Variants in MED27 observed in about 807,000 individuals in gnomAD.
MED27 encodes mediator of RNA polymerase II transcription subunit 27.
A neutral mutation model predicts 38.2 loss-of-function variants in MED27; 30 were observed. The observed-to-expected ratio is 0.79, with a 90% CI of 0.59 to 1.07. The LOEUF (loss-of-function observed/expected upper bound fraction) is 1.07. Among genes scored for constraint, MED27 ranks in the 50% least tolerant of loss-of-function variants. MED27 has a pLI of 0.00. For synonymous variants in MED27, 122 were observed against 153.5 expected, an observed-to-expected ratio of 0.79 and a Z score of 1.52; for missense variants, 289 against 397.5, an observed-to-expected ratio of 0.73 and a Z score of 2.32.
chr9:131,961,548 G>C (rs978350478), intron 3 of MED27, among the ~76,000 whole-genome samples: 2 of 152,174 alleles, frequency 1.3e-5, no homozygotes, highest in Admixed American at 6.5e-5. Context: ...AGGTTCTGAG[G>C]GTCCGCTGAC....
At chr9:131,933,926 G>C (rs913675484) in intron 4 of MED27, among the ~76,000 whole-genome samples, 8 of 152,146 alleles carry the variant, frequency 5.3e-5, no homozygotes, top group African/African-American at 1.7e-4. Context: ...GGCATAAAAA[G>C]ACACATAGAT....
intron 3 of MED27, among the ~76,000 whole-genome samples, chr9:131,998,326 C>G (rs1322164297): frequency 6.6e-6 from 1 of 150,794 alleles, no homozygotes; most frequent in African/African-American, 2.4e-5. Context: ...TCCTATCCTC[C>G]AAGAAGGGAA....
At chr9:131,979,120 C>T (rs1242834993) in intron 3 of MED27, among the ~76,000 whole-genome samples, 2 of 152,160 alleles carry the variant, frequency 1.3e-5, no homozygotes, top group Non-Finnish European at 2.9e-5. Context: ...TGTCACTTGG[C>T]ATCACTTGCC....
chr9:131,902,085 G>A (rs1301900905), intron 4 of MED27, among the ~76,000 whole-genome samples: 1 of 152,072 alleles, frequency 6.6e-6, no homozygotes, highest in African/African-American at 2.4e-5. Flanking sequence ...TCCTCCTCCA[G>A]GGCTCTGTTA....
intron 2 of MED27, among the ~76,000 whole-genome samples, chr9:132,034,979 C>A (rs1410935204): frequency 6.6e-6 from 1 of 152,088 alleles, no homozygotes; most frequent in Non-Finnish European, 1.5e-5. Context: ...AAACAGACAC[C>A]CCCCTCAAAT....
At chr9:131,967,066 G>T (rs1304949009) in intron 3 of MED27, among the ~76,000 whole-genome samples, 1 of 152,226 alleles carries the variant, frequency 6.6e-6, no homozygotes, top group African/African-American at 2.4e-5. Context: ...TTGGCACAGG[G>T]TCTAGCATAT....
chr9:131,921,465 C>T (rs1275187208), intron 4 of MED27, among the ~76,000 whole-genome samples: 1 of 149,414 alleles, frequency 6.7e-6, no homozygotes, highest in Non-Finnish European at 1.5e-5. Flanking sequence ...CAAATCAAAA[C>T]CACAATGAGA....
chr9:131,866,983 G>A (rs565319066), intron 6 of MED27, among the ~76,000 whole-genome samples: 2 of 152,230 alleles, frequency 1.3e-5, no homozygotes, highest in South Asian at 2.1e-4. Flanking sequence ...TCTCCTTCGC[G>A]TGTTGAGGGA....
At chr9:131,881,364 T>TG (rs1031526521) in intron 6 of MED27, among the ~76,000 whole-genome samples, 3 of 152,102 alleles carry the variant, frequency 2.0e-5, no homozygotes, top group African/African-American at 7.2e-5. Flanking sequence ...CTAAAGCCTG[T>TG]GCGTAACCAC....
At chr9:132,076,235 T>C (rs1834044284) in intron 2 of MED27, among the ~76,000 whole-genome samples, 1 of 152,008 alleles carries the variant, frequency 6.6e-6, no homozygotes, top group African/African-American at 2.4e-5. Context: ...CCTGAACATT[T>C]TAGTTCCTTG....
intron 3 of MED27, among the ~76,000 whole-genome samples, chr9:131,941,596 G>C (rs1830786714): frequency 6.6e-6 from 1 of 152,054 alleles, no homozygotes; most frequent in African/African-American, 2.4e-5. Flanking sequence ...AGATGAGTGA[G>C]AAGGCGTGGA....
chr9:131,877,196 C>G (rs548344009), intron 6 of MED27, among the ~76,000 whole-genome samples: 1 of 152,116 alleles, frequency 6.6e-6, no homozygotes, highest in Non-Finnish European at 1.5e-5. Flanking sequence ...CTCTTCCAGG[C>G]CTTCATCTGT....
rs540382406 is a variant in MED27 at position 131,868,813 on chromosome 9, G to T, written c.724-5673C>A. The T allele has an allele frequency of 3.3e-5, 33 of 985,472 alleles. 1 individual carries two copies. In the East Asian group the frequency reaches 1.8e-3, roughly 54 times the overall value. The allele number at this position is 985,472 out of a possible 1,614,324, so 61.0% of individuals were successfully genotyped here. Reference sequence around the variant, plus strand: ...CCCAGGGCAGGTAAGTCTTTGGGAAGCTACAGTTCCGACGCCAGGCACAGG... The same window carrying T: ...CCCAGGGCAGGTAAGTCTTTGGGAATCTACAGTTCCGACGCCAGGCACAGG... On this transcript the variant is annotated intron_variant, in intron 6 of 7. Transcript: ENST00000292035.
At chr9:132,038,604 T>A (rs1833135679) in intron 2 of MED27, among the ~76,000 whole-genome samples, 1 of 152,188 alleles carries the variant, frequency 6.6e-6, no homozygotes, top group Admixed American at 6.5e-5. Flanking sequence ...ATAGAACATG[T>A]TATGGTTTTT....
In MED27 at chr9:131,992,538, T is replaced by C. The variant is rs144661280; in HGVS notation, c.479+21799A>G. ...TCAGGCTCCCGAGTAGCTGGGACTATAGGCACGTGCCACCACACCCTGCTA... is the reference window on the plus strand; with the variant it reads ...TCAGGCTCCCGAGTAGCTGGGACTACAGGCACGTGCCACCACACCCTGCTA... On this transcript the variant is annotated intron_variant, in intron 3 of 7. Coordinates refer to ENST00000292035, the MANE Select transcript of MED27 (RefSeq NM_004269.4). 5.2e-3 allele frequency among the ~76,000 whole-genome samples: 792 copies of C among 152,144 alleles called. 14 individuals are homozygous for C. The highest frequency in any genetic ancestry group is 0.018 in the African/African-American group (731 of 41,506).
At chr9:132,008,406 G>C (rs966874482) in intron 3 of MED27, among the ~76,000 whole-genome samples, 4 of 152,228 alleles carry the variant, frequency 2.6e-5, no homozygotes, top group Non-Finnish European at 5.9e-5. Flanking sequence ...GGAAACGATA[G>C]CACCCCTTGT....
chr9:131,961,605 C>G (rs1481662485), intron 3 of MED27, among the ~76,000 whole-genome samples: 2 of 152,168 alleles, frequency 1.3e-5, no homozygotes. Flanking sequence ...TAAATAATGG[C>G]TGACCATTGG....
At chr9:131,984,397 G>A (rs1231045525) in intron 3 of MED27, among the ~76,000 whole-genome samples, 1 of 152,168 alleles carries the variant, frequency 6.6e-6, no homozygotes, top group Non-Finnish European at 1.5e-5. Flanking sequence ...GCACTCAGAT[G>A]ACTATGAACT....
At chr9:132,037,530 A>T (rs1016022680) in intron 2 of MED27, among the ~76,000 whole-genome samples, 2 of 152,210 alleles carry the variant, frequency 1.3e-5, no homozygotes, top group African/African-American at 4.8e-5. Context: ...AACAAACAGT[A>T]AGCCATTGAA....
Sources: gnomAD v4.1 joint callset for allele counts (sites outside exome capture counted in the v4.1 genomes callset) on GRCh38, gnomAD v4.1.1 for gene constraint, MANE v1.5 for transcripts, NCBI Gene and HGNC (gene_info 2026-07-23, HGNC 2026-07-21) for gene names.